The following SMTNL1 variants were observed in gnomAD, a reference collection of about 807,000 sequenced individuals.
SMTNL1 encodes the protein smoothelin like 1.
In SMTNL1, 41 loss-of-function variants were observed where a neutral mutation model predicts 46.6. The observed-to-expected ratio is 0.88, with a 90% CI of 0.69 to 1.14. SMTNL1 has a LOEUF of 1.14. SMTNL1 is among the 50% of genes most tolerant of loss of function. The probability of loss-of-function intolerance (pLI) is 0.00; values close to 1 mark genes in which losing one functional copy is unlikely to be tolerated. For synonymous variants in SMTNL1, 234 were observed against 234.2 expected (o/e 1.00, Z 0.01); for missense variants, 591 against 626.1 (o/e 0.94, Z 0.60).
intron 7 of SMTNL1, among the ~76,000 whole-genome samples, chr11:57,549,029 C>CTTT (rs373390115): frequency 1.4e-5 from 2 of 139,148 alleles, no homozygotes; most frequent in Non-Finnish European, 1.6e-5. Flanking sequence ...TTTTTTTTTT[C>CTTT]TTTTTTTTTT....
chr11:57,543,723 AG>A lies in SMTNL1; in HGVS notation c.833del (p.Ser278ThrfsTer19), dbSNP rs762160061. ...CAGCTCCCCAGAGGAGTGGCCTGAG[AG>A]CCCCACTGGGGAGGGGCACAACCTC... ...IPSSPEEWPE[S>X]PTGEGHNLST... On this transcript the variant is annotated frameshift_variant, in exon 3 of 8. Transcript: ENST00000527972. LOFTEE classifies it high-confidence loss of function. The A allele has an allele frequency of 1.3e-6, 2 of 1,569,272 alleles. No homozygotes were observed. Among genetic ancestry groups the A allele is most frequent in the South Asian group, 2.3e-5 (2 of 85,300 alleles).
chr11:57,543,093 A>C lies in SMTNL1; in HGVS notation c.451A>C (p.Lys151Gln), dbSNP rs1944892820. The C allele has an allele frequency of 1.9e-6, 3 of 1,611,570 alleles. No homozygotes were observed. Among genetic ancestry groups the C allele is most frequent in the Non-Finnish European group, 2.5e-6 (3 of 1,178,824 alleles). Residue 151 changes from lysine to glutamine, a missense_variant, in exon 2 of 8, where the codon AAA becomes CAA. Transcript: ENST00000527972. Reference sequence around the variant, plus strand: ...AGAGGCCAAACCTGAATCTGGGCAGAAAGCCGATGCCAATGACAGAGACAA... The same window carrying C: ...AGAGGCCAAACCTGAATCTGGGCAGCAAGCCGATGCCAATGACAGAGACAA... ...EKEAKPESGQKADANDRDKPE... is the reference protein window; with the variant it reads ...EKEAKPESGQQADANDRDKPE...
At chr11:57,538,982 G>A (rs1256541247) in intron 1 of SMTNL1, among the ~76,000 whole-genome samples, 3 of 152,132 alleles carry the variant, frequency 2.0e-5, no homozygotes. Flanking sequence ...GATAGCCGAG[G>A]TGTGTGTCCG....
Position 57,550,137 on chromosome 11 carries a change from A to AGAT in SMTNL1, c.*27_*29dup. On this transcript the variant is annotated 3_prime_UTR_variant, in exon 8 of 8. Coordinates refer to ENST00000527972, the MANE Select transcript of SMTNL1 (RefSeq NM_001105565.3). ...AGGAGGTGACTGGCTCTGTGGGCAG[A>AGAT]GATGGGCAGGGTGCCCAGCTCAGCA... The AGAT allele has an allele frequency of 1.3e-6, 2 of 1,599,844 alleles. No homozygotes were observed. Among genetic ancestry groups the AGAT allele is most frequent in the East Asian group, 4.5e-5 (2 of 44,438 alleles).
At chr11:57,539,267 A>AGATCC (rs1461419520) in intron 1 of SMTNL1, among the ~76,000 whole-genome samples, 3 of 152,158 alleles carry the variant, frequency 2.0e-5, no homozygotes, top group Admixed American at 1.3e-4. Context: ...TGAGGTGGGA[A>AGATCC]GATCCGTTGA....
At chr11:57,548,049 G>A (rs926049423) in intron 7 of SMTNL1, among the ~76,000 whole-genome samples, 3 of 152,134 alleles carry the variant, frequency 2.0e-5, no homozygotes, top group Non-Finnish European at 4.4e-5. Flanking sequence ...CTGAGTCTCC[G>A]CTTCCTCTTC....
chr11:57,543,865 C>T lies in SMTNL1; in HGVS notation c.866-4C>T. ...CTTCCCTCCCTCCTTTCACTTTCCT[C>T]CAGATGGGCTGGGTCCAGACTGTGT... On this transcript the variant is annotated splice_region_variant and splice_polypyrimidine_tract_variant and intron_variant, in intron 3 of 7. Transcript: ENST00000527972. 1 of 1,591,146 alleles carries T rather than the reference C, an allele frequency of 6.3e-7. No homozygotes were observed. The highest frequency in any genetic ancestry group is 8.6e-7 in the Non-Finnish European group (1 of 1,168,680).
At chr11:57,548,730 A>C (rs149860166) in intron 7 of SMTNL1, among the ~76,000 whole-genome samples, 4 of 152,292 alleles carry the variant, frequency 2.6e-5, no homozygotes, top group African/African-American at 9.6e-5. Context: ...CTCCAACATA[A>C]GAACATACCC....
chr11:57,546,051 A>G lies in SMTNL1; in HGVS notation c.1073+15A>G, dbSNP rs1234223875. On this transcript the variant is annotated intron_variant, in intron 5 of 7. Coordinates refer to ENST00000527972, the MANE Select transcript of SMTNL1 (RefSeq NM_001105565.3). ...AAGTTTGGCGGGTAGGACACAGGCC[A>G]GGGGCTGGGCTGGGCTTTCCCATAG... 1 of 1,563,786 alleles carries G rather than the reference A, an allele frequency of 6.4e-7. No individual in the cohort carries two copies. Among genetic ancestry groups the G allele is most frequent in the Non-Finnish European group, 8.7e-7 (1 of 1,155,868 alleles).
chr11:57,548,737 A>G (rs1017852887), intron 7 of SMTNL1, among the ~76,000 whole-genome samples: 1 of 152,046 alleles, frequency 6.6e-6, no homozygotes, highest in African/African-American at 2.4e-5. Flanking sequence ...ATAAGAACAT[A>G]CCCTGTCTCC....
intron 6 of SMTNL1, 51 bp downstream of exon 6, chr11:57,546,398 C>T: frequency 1.9e-6 from 2 of 1,060,700 alleles, no homozygotes; most frequent in African/African-American, 2.8e-5. Context: ...AGGGAGGGTC[C>T]AAGTGGTGCA....
chr11:57,542,693 A>G lies in SMTNL1; in HGVS notation c.51A>G (p.Pro17=). The G allele has an allele frequency of 6.2e-7, 1 of 1,613,802 alleles. No homozygotes were observed. Among genetic ancestry groups the G allele is most frequent in the Non-Finnish European group, 8.5e-7 (1 of 1,179,800 alleles). Residue 17 remains proline (P), a synonymous_variant, in exon 2 of 8, where the codon CCA becomes CCG. Coordinates refer to ENST00000527972, the MANE Select transcript of SMTNL1 (RefSeq NM_001105565.3). ...CTGAGGATGGGACCACCGTCTCCCC[A>G]GCTGCGGACAACCCTGAGATGTCAG... ...KLSEDGTTVS[P]AADNPEMSGG... is the part of the protein sequence containing the mutation.
Position 57,550,067 on chromosome 11 carries a change from C to A in SMTNL1, c.1440C>A (p.Tyr480Ter). Residue 480 changes from tyrosine to a stop codon, truncating the protein, a stop_gained, in exon 8 of 8, where the codon TAC becomes TAA. Coordinates refer to ENST00000527972, the MANE Select transcript of SMTNL1 (RefSeq NM_001105565.3). LOFTEE classifies it high-confidence loss of function. ...KCVYTYIQEL[Y>*]RSLVQKGLVK... ...TCTACACATACATCCAGGAACTGTA[C>A]CGCAGCCTTGTGCAGAAAGGACTGG... 6.2e-7 allele frequency: 1 copy of A among 1,613,828 alleles called. No individual in the cohort carries two copies. Among genetic ancestry groups the A allele is most frequent in the Non-Finnish European group, 8.5e-7 (1 of 1,179,824 alleles).
chr11:57,546,132 A>C, intron 5 of SMTNL1, 96 bp downstream of exon 5: 3 of 1,514,174 alleles, frequency 2.0e-6, no homozygotes, highest in Non-Finnish European at 2.7e-6. Context: ...GCCCAGGCCA[A>C]GGCAGGAGGA....
chr11:57,543,741 C>T lies in SMTNL1; in HGVS notation c.850C>T (p.His284Tyr), dbSNP rs77000186. The T allele has an allele frequency of 9.5e-4, 1,477 of 1,561,946 alleles. 15 individuals are homozygous for T. In the African/African-American group the frequency reaches 0.015, roughly 16 times the overall value. Residue 284 changes from histidine to tyrosine, a missense_variant, in exon 3 of 8, where the codon CAC becomes TAC. Coordinates refer to ENST00000527972, the MANE Select transcript of SMTNL1 (RefSeq NM_001105565.3). Reference sequence around the variant, plus strand: ...GCCTGAGAGCCCCACTGGGGAGGGGCACAACCTCAGCACAGGTGAGTGAGA... The same window carrying T: ...GCCTGAGAGCCCCACTGGGGAGGGGTACAACCTCAGCACAGGTGAGTGAGA... Reference protein sequence around the residue: ...EWPESPTGEGHNLSTDGLGPD... With the variant: ...EWPESPTGEGYNLSTDGLGPD...
intron 7 of SMTNL1, among the ~76,000 whole-genome samples, chr11:57,548,454 G>T (rs2729369): frequency 0.46 from 69,242 of 151,870 alleles, 16,185 homozygotes; most frequent in East Asian, 0.73. Flanking sequence ...GGGATCACTT[G>T]AGGTCAGGAG....
rs747679203 is a variant in SMTNL1, at chr11:57,546,315, G to T, written c.1156G>T (p.Glu386Ter). 3.7e-6 allele frequency: 6 copies of T among 1,610,376 alleles called. No homozygotes were observed. Among genetic ancestry groups the T allele is most frequent in the Non-Finnish European group, 5.1e-6 (6 of 1,178,540 alleles). ...TGGTGGTGTCAAGAACATGCTCTTGGAGTGGTGCCGAGCCATGACAAAAAA... is the reference window on the plus strand; with the variant it reads ...TGGTGGTGTCAAGAACATGCTCTTGTAGTGGTGCCGAGCCATGACAAAAAA... ...AIGGVKNMLLEWCRAMTKKYE... is the reference protein window; with the variant it reads ...AIGGVKNMLL The change falls in exon 6 of 8, where the codon GAG becomes TAG. Residue 386 changes from glutamate (E) to a stop codon, truncating the protein, a stop_gained. Coordinates refer to ENST00000527972, the MANE Select transcript of SMTNL1 (RefSeq NM_001105565.3). LOFTEE classifies it high-confidence loss of function.
At chr11:57,543,798 C>G (rs376067251) in intron 3 of SMTNL1, 42 bp downstream of exon 3, 8 of 1,556,298 alleles carry the variant, frequency 5.1e-6, no homozygotes, top group Non-Finnish European at 6.1e-6. Flanking sequence ...GCAGAGGCCA[C>G]CTGGGGGAGG....
In SMTNL1 at chr11:57,543,611, A is replaced by G. The variant is rs2135263525; in HGVS notation, c.733-13A>G. 1.2e-6 allele frequency: 2 copies of G among 1,605,792 alleles called. No individual in the cohort carries two copies. The highest frequency in any genetic ancestry group is 2.2e-5 in the East Asian group (1 of 44,686). On this transcript the variant is annotated splice_polypyrimidine_tract_variant and intron_variant, in intron 2 of 7. Transcript: ENST00000527972. ...GTGTGACCATGAGCTCACGCAGATC[A>G]TGCTCATTCCAGGAGCCAGGCAGTC...
Sources: gnomAD v4.1 joint callset for allele counts (sites outside exome capture counted in the v4.1 genomes callset) on GRCh38, gnomAD v4.1.1 for gene constraint, MANE v1.5 for transcripts, NCBI Gene and HGNC (gene_info 2026-07-23, HGNC 2026-07-21) for gene names.